The following SLC6A3 variants were observed in gnomAD, a reference collection of about 807,000 sequenced individuals.
SLC6A3 encodes solute carrier family 6 member 3.
Under a neutral mutation model 70.4 loss-of-function variants are expected in SLC6A3, and 19 were observed. The ratio of observed to expected loss-of-function variants is 0.27; its 90% CI spans 0.19 to 0.40. The LOEUF (loss-of-function observed/expected upper bound fraction) is 0.40. Among genes scored for constraint, SLC6A3 ranks in the 10% least tolerant of loss-of-function variants. The pLI is 1.00. For synonymous variants in SLC6A3, 368 were observed against 356.6 expected, an observed-to-expected ratio of 1.03 and a Z score of -0.36; for missense variants, 613 against 838.5, an observed-to-expected ratio of 0.73 and a Z score of 3.32.
intron 3 of SLC6A3, among the ~76,000 whole-genome samples, chr5:1,434,441 T>C (rs765777485): frequency 2.0e-5 from 3 of 152,340 alleles, no homozygotes; most frequent in Non-Finnish European, 4.4e-5. Context: ...GGATCCATCA[T>C]TTATGGGGTC....
In SLC6A3 at chr5:1,409,049, G is replaced by A; in HGVS notation, c.1475C>T (p.Ala492Val). The A allele has an allele frequency of 6.2e-7, 1 of 1,612,728 alleles. No individual in the cohort carries two copies. Among genetic ancestry groups the A allele is most frequent in the South Asian group, 1.1e-5 (1 of 90,996 alleles). Residue 492 changes from alanine (A) to valine (V), a missense_variant, in exon 11 of 15, where the codon GCC becomes GTC. By Grantham distance (64) the Ala-to-Val change is moderately conservative. Transcript: ENST00000270349. ...TSILFGVLIE[A>V]IGVAWFYGVG... ...ACCATAGAACCAGGCCACTCCGATG[G>A]CTTCGATGAGCACTCCAAAGAGGAT...
chr5:1,401,142 C>T lies in SLC6A3; in HGVS notation c.1768-156G>A, dbSNP rs1425367256. 1.4e-5 allele frequency: 10 copies of T among 708,976 alleles called. No individual in the cohort carries two copies. Among genetic ancestry groups the T allele is most frequent in the Admixed American group, 8.0e-5 (4 of 49,976 alleles). 43.9% of individuals were successfully genotyped at this position (708,976 alleles called of 1,614,324 possible). ...CACCCGCTGGCATCCATATCACCAGCGCCCACCACTGACTTACACTGCCAG... is the reference window on the plus strand; with the variant it reads ...CACCCGCTGGCATCCATATCACCAGTGCCCACCACTGACTTACACTGCCAG... On this transcript the variant is annotated intron_variant, in intron 13 of 14. Coordinates refer to ENST00000270349, the MANE Select transcript of SLC6A3 (RefSeq NM_001044.5). The surrounding 1 kb of genome is among the most constrained non-coding windows in gnomAD (Gnocchi z 6.1).
At chr5:1,420,335 A>G (rs554538095) in intron 6 of SLC6A3, among the ~76,000 whole-genome samples, 2 of 152,268 alleles carry the variant, frequency 1.3e-5, no homozygotes, top group East Asian at 3.9e-4. Context: ...TTAACCCTGA[A>G]TTATGTCTTC....
chr5:1,414,657 C>G (rs368381215), intron 8 of SLC6A3, 34 bp downstream of exon 8: 21 of 1,609,630 alleles, frequency 1.3e-5, no homozygotes, highest in African/African-American at 1.1e-4. Context: ...TGGTGCTACA[C>G]GGAGCAGGCC....
intron 3 of SLC6A3, among the ~76,000 whole-genome samples, chr5:1,433,327 T>C (rs563382271): frequency 7.8e-4 from 119 of 152,134 alleles, no homozygotes; most frequent in African/African-American, 2.6e-3. Flanking sequence ...CCCAGAGCCA[T>C]CAAGACTGCC....
intron 12 of SLC6A3, among the ~76,000 whole-genome samples, chr5:1,403,679 C>A (rs1179045271): frequency 1.3e-5 from 2 of 152,016 alleles, no homozygotes; most frequent in Non-Finnish European, 2.9e-5. Flanking sequence ...AACTGTGACC[C>A]ATGCGGGACC....
intron 10 of SLC6A3, 115 bp downstream of exon 10, chr5:1,409,605 GC>G: frequency 7.9e-7 from 1 of 1,264,350 alleles, no homozygotes; most frequent in Non-Finnish European, 1.1e-6. Context: ...GGGTGGGTTC[GC>G]AGCTCCCTGG....
chr5:1,426,165 A>C (rs1161465495), intron 4 of SLC6A3, among the ~76,000 whole-genome samples: 2 of 152,224 alleles, frequency 1.3e-5, no homozygotes, highest in South Asian at 4.1e-4. Context: ...ACTCAAAAGT[A>C]GGTACTCAAT....
In SLC6A3 at chr5:1,421,432, C is replaced by G. The variant is rs1756433457; in HGVS notation, c.792+444G>C. Among the ~76,000 whole-genome samples the G allele has an allele frequency of 6.6e-6, 1 of 152,176 alleles. No individual in the cohort carries two copies. Among genetic ancestry groups the G allele is most frequent in the Admixed American group, 6.5e-5 (1 of 15,278 alleles). On this transcript the variant is annotated intron_variant, in intron 5 of 14. Coordinates refer to ENST00000270349, the MANE Select transcript of SLC6A3 (RefSeq NM_001044.5). This position sits in a 1 kb window ranked among gnomAD's most constrained non-coding sequence, Gnocchi z 7.2. ...CCTCAGGTGATCTGCCCGTCTCAGC[C>G]TCCCAAAGTATTTTTATCAACAAAA...
chr5:1,416,579 A>G (rs923070243), intron 6 of SLC6A3: 1 of 375,594 alleles, frequency 2.7e-6, no homozygotes, highest in African/African-American at 2.1e-5. Context: ...GGCCTCATCT[A>G]CACAAAACAT....
In SLC6A3 at chr5:1,426,241, A is replaced by G. The variant is rs547601406; in HGVS notation, c.654-4227T>C. On this transcript the variant is annotated intron_variant, in intron 4 of 14. Coordinates refer to ENST00000270349, the MANE Select transcript of SLC6A3 (RefSeq NM_001044.5). ...GTGGAAGCAACCCAAATGTCCATCAAAAGATAAATAGATCTGGCCAGGTGT... is the reference window on the plus strand; with the variant it reads ...GTGGAAGCAACCCAAATGTCCATCAGAAGATAAATAGATCTGGCCAGGTGT... 3.3e-5 allele frequency among the ~76,000 whole-genome samples: 5 copies of G among 152,372 alleles called. No individual in the cohort carries two copies. In the South Asian group the frequency reaches 1.0e-3, roughly 32 times the overall value.
Position 1,405,420 on chromosome 5 carries a change from G to T in SLC6A3, c.1599+768C>A, listed in dbSNP as rs933031288. On this transcript the variant is annotated intron_variant, in intron 12 of 14. Coordinates refer to ENST00000270349, the MANE Select transcript of SLC6A3 (RefSeq NM_001044.5). This position sits in a 1 kb window ranked among gnomAD's most constrained non-coding sequence, Gnocchi z 5.3. Reference sequence around the variant, plus strand: ...TGAGAGGGTGCGGCCTGAGTCCCCTGCCCTGTTCCAGTCCCCACCTCGTGC... The same window carrying T: ...TGAGAGGGTGCGGCCTGAGTCCCCTTCCCTGTTCCAGTCCCCACCTCGTGC... Among the ~76,000 whole-genome samples, 3 of 152,188 alleles carry T rather than the reference G, an allele frequency of 2.0e-5. No homozygotes were observed. Among genetic ancestry groups the T allele is most frequent in the African/African-American group, 7.2e-5 (3 of 41,440 alleles).
chr5:1,410,455 G>C (rs1471044772), intron 9 of SLC6A3, among the ~76,000 whole-genome samples: 1 of 152,120 alleles, frequency 6.6e-6, no homozygotes, highest in East Asian at 1.9e-4. Context: ...TGCATGACCA[G>C]CGTTTATAAG....
At chr5:1,431,692 G>A (rs1296598326) in intron 4 of SLC6A3, among the ~76,000 whole-genome samples, 1 of 151,608 alleles carries the variant, frequency 6.6e-6, no homozygotes, top group East Asian at 1.9e-4. Context: ...TTTGTGGTTT[G>A]TGCCTGGCTG....
rs1301684081 is a variant in SLC6A3, at chr5:1,437,208, G to A, written c.418+4151C>T. On this transcript the variant is annotated intron_variant, in intron 3 of 14. Coordinates refer to ENST00000270349, the MANE Select transcript of SLC6A3 (RefSeq NM_001044.5). The surrounding 1 kb of genome is among the most constrained non-coding windows in gnomAD (Gnocchi z 4.8). Reference sequence around the variant, plus strand: ...GCAGGTGACAGTGAGCCAAGATCGCGCCTTTGCACTCCAGCCTGGTGACAG... The same window carrying A: ...GCAGGTGACAGTGAGCCAAGATCGCACCTTTGCACTCCAGCCTGGTGACAG... Among the ~76,000 whole-genome samples the A allele has an allele frequency of 1.1e-4, 17 of 150,206 alleles. No individual in the cohort carries two copies. The highest frequency in any genetic ancestry group is 1.1e-3 in the Admixed American group (17 of 15,040).
intron 7 of SLC6A3, 31 bp downstream of exon 7, chr5:1,416,067 A>G (rs1252922851): frequency 6.6e-7 from 1 of 1,510,350 alleles, no homozygotes; most frequent in South Asian, 1.1e-5. Flanking sequence ...AGTATTGATG[A>G]GGCCCCTGCC....
intron 6 of SLC6A3, among the ~76,000 whole-genome samples, chr5:1,419,323 T>TCATC (rs59372317): frequency 0.33 from 46,758 of 142,666 alleles, 8,023 homozygotes; most frequent in East Asian, 0.44. Context: ...TACCTAGCAT[T>TCATC]CATCCATCCA....
intron 8 of SLC6A3, among the ~76,000 whole-genome samples, chr5:1,412,283 G>A (rs1156923767): frequency 6.6e-6 from 1 of 152,210 alleles, no homozygotes; most frequent in Non-Finnish European, 1.5e-5. Flanking sequence ...CTGCCACGGG[G>A]TCCCGCAGGC....
At chr5:1,439,335 T>TGGGGGGGG (rs1756917165) in intron 3 of SLC6A3, among the ~76,000 whole-genome samples, 1 of 5,954 alleles carries the variant, frequency 1.7e-4, no homozygotes, top group Non-Finnish European at 3.5e-4. Flanking sequence ...GGGGTGGGGG[T>TGGGGGGGG]GGGGGTGGGG....
Sources: gnomAD v4.1 joint callset for allele counts (sites outside exome capture counted in the v4.1 genomes callset) on GRCh38, gnomAD v4.1.1 for gene constraint, Gnocchi (gnomAD v3.1) non-coding constraint, MANE v1.5 for transcripts, NCBI Gene and HGNC (gene_info 2026-07-23, HGNC 2026-07-21) for gene names.